Variants in LRRC36 observed in about 807,000 individuals in gnomAD.
The protein encoded by LRRC36 is leucine-rich repeat-containing protein 36.
In LRRC36, 62 loss-of-function variants were observed where a neutral mutation model predicts 81.1. The observed-to-expected ratio is 0.76, with a 90% confidence interval of 0.62 to 0.94. LRRC36 has a LOEUF of 0.94. Among genes scored for constraint, LRRC36 ranks in the 40% least tolerant of loss-of-function variants. The probability of loss-of-function intolerance (pLI) is 0.00; values close to 1 mark genes in which losing one functional copy is unlikely to be tolerated. For synonymous variants in LRRC36, 334 were observed against 348.6 expected (o/e 0.96, Z 0.47); for missense variants, 761 against 881.7 (o/e 0.86, Z 1.73).
intron 2 of LRRC36, 95 bp downstream of exon 2, chr16:67,342,179 A>G: frequency 1.3e-6 from 1 of 787,200 alleles, no homozygotes; most frequent in Non-Finnish European, 1.8e-6. Context: ...GGGGAATATA[A>G]GACCTTCCCT....
At chr16:67,356,725 C>T (rs1163895136) in intron 5 of LRRC36, among the ~76,000 whole-genome samples, 2 of 152,102 alleles carry the variant, frequency 1.3e-5, no homozygotes, top group African/African-American at 2.4e-5. Flanking sequence ...GGAGGAGAGG[C>T]GGTTGCAGTT....
intron 1 of LRRC36, among the ~76,000 whole-genome samples, chr16:67,338,654 C>T (rs776697530): frequency 2.6e-5 from 4 of 151,934 alleles, no homozygotes; most frequent in South Asian, 2.1e-4. Flanking sequence ...GATTTTGTAA[C>T]GTTACACATT....
At chr16:67,329,473 A>G (rs1597411887) in intron 1 of LRRC36, among the ~76,000 whole-genome samples, 1 of 151,774 alleles carries the variant, frequency 6.6e-6, no homozygotes, top group Middle Eastern at 3.4e-3. Context: ...TTGTATTTTT[A>G]GTAGAGACGG....
At chr16:67,352,133 C>A (rs1473009204) in intron 5 of LRRC36, among the ~76,000 whole-genome samples, 1 of 152,158 alleles carries the variant, frequency 6.6e-6, no homozygotes, top group Non-Finnish European at 1.5e-5. Context: ...CTTCTAAGAA[C>A]AAACTGCTTT....
chr16:67,360,846 G>GT (rs1438272279), intron 5 of LRRC36, among the ~76,000 whole-genome samples: 1 of 152,168 alleles, frequency 6.6e-6, no homozygotes, highest in African/African-American at 2.4e-5. Flanking sequence ...AGAGCACATT[G>GT]TTTGACAAAG....
At chr16:67,328,614 C>T (rs1177887194) in intron 1 of LRRC36, among the ~76,000 whole-genome samples, 1 of 152,210 alleles carries the variant, frequency 6.6e-6, no homozygotes, top group African/African-American at 2.4e-5. Context: ...AAGGCAATTA[C>T]TGTTACCAGT....
At chr16:67,373,707 C>CAAA (rs552146686) in intron 9 of LRRC36, among the ~76,000 whole-genome samples, 13 of 35,374 alleles carry the variant, frequency 3.7e-4, no homozygotes, top group Non-Finnish European at 6.2e-4. Context: ...GACTCTGTCT[C>CAAA]AAAAAAAAAA....
rs1245040472 is a variant in LRRC36 at position 67,341,066 on chromosome 16, AGAATATGTACTCTACATATTC to A, written c.71-890_71-870del. The stretch of plus-strand genomic sequence containing the variant: ...AGAATATGTACTCTACATATTCTAT[AGAATATGTACTCTACATATTC>A]TATAGAATATGTACTCTACATATTC... On this transcript the variant is annotated intron_variant, in intron 1 of 13. Coordinates refer to ENST00000329956, the MANE Select transcript of LRRC36 (RefSeq NM_018296.6). Among the ~76,000 whole-genome samples, 77 of 118,464 alleles carry A rather than the reference AGAATATGTACTCTACATATTC, an allele frequency of 6.5e-4. 15 individuals carry two copies. Among genetic ancestry groups the A allele is most frequent in the African/African-American group, 2.4e-3 (70 of 29,172 alleles). The allele number at this position is 118,464 out of a possible 152,430, so 77.7% of individuals were successfully genotyped here. A position where few individuals can be genotyped will look rare whatever the true frequency, so the allele number is the denominator to read the frequency against.
chr16:67,378,007 AG>A (rs1376086239), intron 11 of LRRC36, among the ~76,000 whole-genome samples: 4 of 152,210 alleles, frequency 2.6e-5, no homozygotes. Flanking sequence ...TAGATCACTA[AG>A]AATGCTGGCC....
rs900299202 is a variant in LRRC36, at chr16:67,385,191, A to G, written c.*102A>G. ...TGTACTCACAAAGATTAAGAAAGAA[A>G]TGTATTCTGATTAGATTGTATTGGT... On this transcript the variant is annotated 3_prime_UTR_variant, in exon 14 of 14. Transcript: ENST00000329956. 11 of 801,320 alleles carry G rather than the reference A, an allele frequency of 1.4e-5. No individual in the cohort carries two copies. The allele number at this position is 801,320 out of a possible 1,614,324, so 49.6% of individuals were successfully genotyped here.
rs577036788 is a variant in LRRC36, at chr16:67,374,627, A to T, written c.1495-620A>T. ...GCCAGGCTGGTCTCGAGCTCCTGAG[A>T]TCAAATGATCTGCCTGCCTCGGCCT... On this transcript the variant is annotated intron_variant, in intron 9 of 13. Transcript: ENST00000329956. Among the ~76,000 whole-genome samples the T allele has an allele frequency of 1.1e-4, 17 of 151,986 alleles. 1 individual carries two copies. The South Asian group carries it at 3.5e-3, about 32-fold the overall frequency.
In LRRC36 at chr16:67,375,396, C is replaced by T. The variant is rs774372808; in HGVS notation, c.1644C>T (p.Leu548=). ...KHWNGSGSLL[L]NKKFLGPARD... ...GGAATGGCTCCGGCTCCCTCCTCCTCAACAAGAAGTTTCTCGGTGAGTGAA... is the reference window on the plus strand; with the variant it reads ...GGAATGGCTCCGGCTCCCTCCTCCTTAACAAGAAGTTTCTCGGTGAGTGAA... Residue 548 remains leucine (L), a synonymous_variant, in exon 10 of 14, where the codon CTC becomes CTT. Transcript: ENST00000329956. 5.1e-6 allele frequency: 8 copies of T among 1,584,122 alleles called. No individual in the cohort carries two copies. The Admixed American group carries it at 5.7e-5, about 11-fold the overall frequency.
chr16:67,356,996 G>T (rs959956815), intron 5 of LRRC36, among the ~76,000 whole-genome samples: 4 of 152,112 alleles, frequency 2.6e-5, no homozygotes, highest in African/African-American at 7.2e-5. Context: ...TAGAGGTGAG[G>T]CATGCTTAAA....
chr16:67,382,060 T>A, intron 12 of LRRC36, 73 bp from the exon 13 acceptor site: 1 of 1,013,476 alleles, frequency 9.9e-7, no homozygotes, highest in Non-Finnish European at 1.5e-6. Flanking sequence ...GATGTCCATC[T>A]GAATACTTAT....
intron 1 of LRRC36, among the ~76,000 whole-genome samples, chr16:67,336,281 G>C (rs1371425859): frequency 6.6e-6 from 1 of 152,212 alleles, no homozygotes; most frequent in Non-Finnish European, 1.5e-5. Context: ...TGGTAATTAT[G>C]AAGAAAGCTG....
chr16:67,344,204 C>T (rs187215391), intron 2 of LRRC36, among the ~76,000 whole-genome samples: 3 of 152,176 alleles, frequency 2.0e-5, no homozygotes, highest in African/African-American at 4.8e-5. Flanking sequence ...TTATTTGTAG[C>T]GTAACTTTGG....
chr16:67,368,247 A>G (rs2039489145), intron 8 of LRRC36, among the ~76,000 whole-genome samples: 1 of 152,216 alleles, frequency 6.6e-6, no homozygotes, highest in Non-Finnish European at 1.5e-5. Context: ...ACTTTCATAG[A>G]GCTTACATTC....
chr16:67,331,113 G>GAGAGAGAGAGAGAA (rs1567462464), intron 1 of LRRC36, among the ~76,000 whole-genome samples: 3 of 136,142 alleles, frequency 2.2e-5, no homozygotes, highest in African/African-American at 8.0e-5. Flanking sequence ...GAGAGAGAGA[G>GAGAGAGAGAGAGAA]AAGACTGAAC....
At chr16:67,366,899 C>G in intron 7 of LRRC36, 118 bp from the exon 8 acceptor site, 1 of 764,522 alleles carries the variant, frequency 1.3e-6, no homozygotes, top group Non-Finnish European at 2.1e-6. Context: ...TTATAAACCA[C>G]CTCTTCCTGA....
Sources: allele counts gnomAD v4.1 joint callset (sites outside exome capture counted in the v4.1 genomes callset), GRCh38; gene constraint gnomAD v4.1.1; transcripts MANE v1.5; gene names NCBI Gene and HGNC (gene_info 2026-07-23, HGNC 2026-07-21).